The following TMEM255B variants were observed in gnomAD, a reference collection of about 807,000 sequenced individuals.
The protein encoded by TMEM255B is family with sequence similarity 70, member B.
Under a neutral mutation model 34.5 loss-of-function variants are expected in TMEM255B, and 35 were observed. The ratio of observed to expected loss-of-function variants is 1.01; its 90% CI spans 0.77 to 1.34. The LOEUF is 1.34. TMEM255B is among the 40% of genes most tolerant of loss of function. TMEM255B has a pLI of 0.00. For synonymous variants in TMEM255B, 206 were observed against 201.2 expected (o/e 1.02, Z -0.20); for missense variants, 432 against 433.2 (o/e 1.00, Z 0.02).
At chr13:113,808,317 A>AG (rs1445995809) in intron 8 of TMEM255B, among the ~76,000 whole-genome samples, 3 of 152,190 alleles carry the variant, frequency 2.0e-5, no homozygotes, top group African/African-American at 7.2e-5. Flanking sequence ...CATGAAGTGC[A>AG]GGGGAGGACG....
Position 113,806,908 on chromosome 13 carries a change from A to G in TMEM255B, c.813+1880A>G, listed in dbSNP as rs2051183479. ...TCCCCAAGCGGCTCTACACAGACACAGACTTGGAATCGCATGGGTGCCAAG... is the reference window on the plus strand; with the variant it reads ...TCCCCAAGCGGCTCTACACAGACACGGACTTGGAATCGCATGGGTGCCAAG... On this transcript the variant is annotated intron_variant, in intron 8 of 8. Transcript: ENST00000375353. This position sits in a 1 kb window ranked among gnomAD's most constrained non-coding sequence, Gnocchi z 4.2. Among the ~76,000 whole-genome samples, 1 of 152,142 alleles carries G rather than the reference A, an allele frequency of 6.6e-6. No individual in the cohort carries two copies. The highest frequency in any genetic ancestry group is 2.1e-4 in the South Asian group (1 of 4,828).
chr13:113,796,476 GCACACACCACACACACTA>G (rs2050941987), intron 4 of TMEM255B, among the ~76,000 whole-genome samples: 1 of 111,534 alleles, frequency 9.0e-6, no homozygotes, highest in African/African-American at 3.5e-5. Flanking sequence ...ACCACAGAGA[GCACACACCACACACACTA>G]CACACACCAC....
chr13:113,762,293 G>A (rs1398603918), intron 1 of TMEM255B, among the ~76,000 whole-genome samples: 1 of 152,062 alleles, frequency 6.6e-6, no homozygotes, highest in Non-Finnish European at 1.5e-5. Flanking sequence ...TATAGAATGT[G>A]TTTAAGGTTG....
intron 3 of TMEM255B, among the ~76,000 whole-genome samples, chr13:113,773,985 C>T (rs1427753129): frequency 2.6e-5 from 4 of 152,204 alleles, no homozygotes; most frequent in African/African-American, 7.2e-5. Flanking sequence ...TCCAGATACA[C>T]GTGAACACTT....
chr13:113,763,064 A>G (rs1594612683), intron 1 of TMEM255B, among the ~76,000 whole-genome samples: 1 of 152,266 alleles, frequency 6.6e-6, no homozygotes, highest in Non-Finnish European at 1.5e-5. Context: ...CTGAAGCGGG[A>G]ATTGTGTGAG....
chr13:113,799,916 G>A (rs908925953), intron 5 of TMEM255B: 118 of 1,269,938 alleles, frequency 9.3e-5, no homozygotes, highest in Non-Finnish European at 1.1e-4. Context: ...TGTGTGTCTC[G>A]CACCTGCCCT....
In TMEM255B at chr13:113,768,374, C is replaced by T. The variant is rs946512510; in HGVS notation, c.190-724C>T. The stretch of plus-strand genomic sequence containing the variant: ...TGGGTGGAGGGTGCGGATGCCCGGC[C>T]GGTGGCCTCTGTTCTAAGACAGCAC... On this transcript the variant is annotated intron_variant, in intron 2 of 8. Coordinates refer to ENST00000375353, the MANE Select transcript of TMEM255B (RefSeq NM_182614.4). The T allele has an allele frequency of 2.3e-4, 91 of 403,532 alleles. 1 individual carries two copies. The highest frequency in any genetic ancestry group is 1.5e-3 in the South Asian group (82 of 54,578). 25.0% of individuals were successfully genotyped at this position (403,532 alleles called of 1,614,324 possible). A position where few individuals can be genotyped will look rare whatever the true frequency, so the allele number is the denominator to read the frequency against.
At position 113,802,640 on chromosome 13, in the gene TMEM255B, G is replaced by A. The variant is rs929893785; in HGVS notation, c.669+828G>A. On this transcript the variant is annotated intron_variant, in intron 7 of 8. Transcript: ENST00000375353. Reference sequence around the variant, plus strand: ...TGAGCGGCTTCTCCATGCCCTATTCGTCCCAGAGGCTGTCCATGACTAAAA... The same window carrying A: ...TGAGCGGCTTCTCCATGCCCTATTCATCCCAGAGGCTGTCCATGACTAAAA... Among the ~76,000 whole-genome samples, 15 of 118,728 alleles carry A rather than the reference G, an allele frequency of 1.3e-4. 1 individual carries two copies. Among genetic ancestry groups the A allele is most frequent in the South Asian group, 1.1e-3 (5 of 4,456 alleles). 77.9% of individuals were successfully genotyped at this position (118,728 alleles called of 152,430 possible).
At chr13:113,791,099 G>A (rs1406795648) in intron 3 of TMEM255B, among the ~76,000 whole-genome samples, 1 of 152,208 alleles carries the variant, frequency 6.6e-6, no homozygotes, top group African/African-American at 2.4e-5. Flanking sequence ...TGTTTTGGGT[G>A]AAATTGGGTG....
intron 8 of TMEM255B, among the ~76,000 whole-genome samples, chr13:113,808,813 TTTCCTGGGGGTTTACTCCGTGG>T (rs2051240178): frequency 1.1e-5 from 1 of 93,416 alleles, no homozygotes. Flanking sequence ...TTACTCCATG[TTTCCTGGGGGTTTACTCCGTGG>T]TTCCTGGGGG....
intron 1 of TMEM255B, among the ~76,000 whole-genome samples, chr13:113,762,019 A>G (rs530560563): frequency 6.6e-5 from 10 of 151,898 alleles, no homozygotes; most frequent in African/African-American, 2.2e-4. Flanking sequence ...ATAGAAACCT[A>G]TTGGTAGATA....
Position 113,800,919 on chromosome 13 carries a change from G to A in TMEM255B, c.509+7G>A. ...ACCTCTATGCCTGCGGGAGGTGAGG[G>A]GCACCGGGGACCCCCATATCTACAC... On this transcript the variant is annotated splice_region_variant and intron_variant, in intron 6 of 8. Transcript: ENST00000375353. 1 of 1,206,414 alleles carries A rather than the reference G, an allele frequency of 8.3e-7. No individual in the cohort carries two copies. Among genetic ancestry groups the A allele is most frequent in the South Asian group, 1.3e-5 (1 of 77,046 alleles). 74.7% of individuals were successfully genotyped at this position (1,206,414 alleles called of 1,614,324 possible). A position where few individuals can be genotyped will look rare whatever the true frequency, so the allele number is the denominator to read the frequency against.
chr13:113,796,954 C>G (rs370099631), intron 4 of TMEM255B, among the ~76,000 whole-genome samples: 1 of 151,966 alleles, frequency 6.6e-6, no homozygotes, highest in Non-Finnish European at 1.5e-5. Flanking sequence ...CTCACACTCG[C>G]GCGCACACAC....
intron 3 of TMEM255B, among the ~76,000 whole-genome samples, chr13:113,787,794 G>T (rs1226146155): frequency 1.3e-5 from 2 of 151,468 alleles, no homozygotes; most frequent in Admixed American, 1.3e-4. Context: ...TGGGGCTGAG[G>T]GTGACCCCTG....
intron 3 of TMEM255B, among the ~76,000 whole-genome samples, chr13:113,791,419 A>G (rs2050830044): frequency 1.3e-5 from 2 of 152,226 alleles, no homozygotes; most frequent in Admixed American, 1.3e-4. Flanking sequence ...CACTAGGCAG[A>G]TGTGGGCTTC....
At chr13:113,764,711 G>A (rs1461931039) in intron 1 of TMEM255B, among the ~76,000 whole-genome samples, 1 of 152,260 alleles carries the variant, frequency 6.6e-6, no homozygotes, top group Admixed American at 6.5e-5. Context: ...CTCTGCAGGG[G>A]CAGGGGTGAA....
Position 113,816,108 on chromosome 13 carries a change from AAGCGTGTTTGC to A in TMEM255B, c.*4214_*4224del, listed in dbSNP as rs2051398902. 2 of 172,234 alleles carry A rather than the reference AAGCGTGTTTGC, an allele frequency of 1.2e-5. No individual in the cohort carries two copies. Among genetic ancestry groups the A allele is most frequent in the African/African-American group, 5.1e-5 (2 of 39,182 alleles). The allele number at this position is 172,234 out of a possible 1,614,324, so 10.7% of individuals were successfully genotyped here. On this transcript the variant is annotated 3_prime_UTR_variant, in exon 9 of 9. Transcript: ENST00000375353. ...GGACACGGGTTCTTTTCGGGGAGGC[AAGCGTGTTTGC>A]AGCGTGTTCTGGATGGGGAGAGGTG...
At chr13:113,794,360 A>G (rs1218906452) in intron 3 of TMEM255B, among the ~76,000 whole-genome samples, 6 of 152,078 alleles carry the variant, frequency 3.9e-5, no homozygotes, top group African/African-American at 1.4e-4. Flanking sequence ...TGCCCGAGCC[A>G]CAGGCCCTCC....
At chr13:113,809,266 T>C (rs1233072140) in intron 8 of TMEM255B, among the ~76,000 whole-genome samples, 4 of 99,092 alleles carry the variant, frequency 4.0e-5, no homozygotes, top group Admixed American at 2.1e-4. Flanking sequence ...CTGTGGTTCC[T>C]GGGGGTTTAA....
Sources: gnomAD v4.1 joint callset for allele counts (sites outside exome capture counted in the v4.1 genomes callset) on GRCh38, gnomAD v4.1.1 for gene constraint, Gnocchi (gnomAD v3.1) non-coding constraint, MANE v1.5 for transcripts, NCBI Gene and HGNC (gene_info 2026-07-23, HGNC 2026-07-21) for gene names.